Variants in NAV2 observed in about 807,000 individuals in gnomAD.
NAV2 encodes helicase, APC down-regulated 1.
In NAV2, 54 loss-of-function variants were observed where a neutral mutation model predicts 223.2. That is an observed-to-expected ratio of 0.24 (90% CI 0.19 to 0.30). The LOEUF (loss-of-function observed/expected upper bound fraction) is 0.30. Ranked by LOEUF, NAV2 falls within the 10% of genes least tolerant of loss-of-function variation. The probability of loss-of-function intolerance (pLI) is 1.00; values close to 1 mark genes in which losing one functional copy is unlikely to be tolerated. For synonymous variants in NAV2, 1,279 were observed against 1,239.3 expected, an observed-to-expected ratio of 1.03 and a Z score of -0.67; for missense variants, 2,806 against 3,147.5, an observed-to-expected ratio of 0.89 and a Z score of 2.60.
At chr11:19,482,632 G>T (rs1233078284) in intron 1 of NAV2, among the ~76,000 whole-genome samples, 3 of 152,190 alleles carry the variant, frequency 2.0e-5, no homozygotes, top group East Asian at 3.9e-4. Flanking sequence ...AATAGTCTTT[G>T]CAAGTCAAGG....
At chr11:19,937,999 G>C (rs1052608895) in intron 7 of NAV2, among the ~76,000 whole-genome samples, 1 of 152,190 alleles carries the variant, frequency 6.6e-6, no homozygotes, top group Admixed American at 6.5e-5. Flanking sequence ...GATTAGCAGC[G>C]AACTAAGGAA....
chr11:20,055,943 A>T lies in NAV2; in HGVS notation c.4817A>T (p.Asp1606Val). The T allele has an allele frequency of 6.2e-7, 1 of 1,613,750 alleles. No homozygotes were observed. Among genetic ancestry groups the T allele is most frequent in the Non-Finnish European group, 8.5e-7 (1 of 1,179,972 alleles). The change falls in exon 19 of 38, where the codon GAT becomes GTT. Residue 1606 changes from aspartate (D) to valine (V), a missense_variant. This residue lies in a region of NAV2 where 824 missense variants were observed against 1,069.4 expected (regional missense o/e 0.77). Transcript: ENST00000349880. ...RTMSRSGSFRDGFEEVHGSSL... is the reference protein window; with the variant it reads ...RTMSRSGSFRVGFEEVHGSSL... ...ATGAGCCGTTCAGGCTCATTCCGGG[A>T]TGGGTTTGAAGAAGGTAAGGAAGGA...
Position 19,350,737 on chromosome 11 carries a change from G to C in NAV2, c.-216G>C, listed in dbSNP as rs1853260057. The C allele has an allele frequency of 5.3e-6, 3 of 569,954 alleles. No homozygotes were observed. The African/African-American group carries it at 5.6e-5, about 11-fold the overall frequency. 35.3% of individuals were successfully genotyped at this position (569,954 alleles called of 1,614,324 possible). A position where few individuals can be genotyped will look rare whatever the true frequency, so the allele number is the denominator to read the frequency against. ...CCAAGACTTAGCTCTCATGATGCCGGCAGCAGTCACCCTCATTGCAAAGGC... is the reference window on the plus strand; with the variant it reads ...CCAAGACTTAGCTCTCATGATGCCGCCAGCAGTCACCCTCATTGCAAAGGC... On this transcript the variant is annotated 5_prime_UTR_variant, in exon 1 of 38. Coordinates refer to the NAV2 transcript ENST00000360655.
chr11:19,802,588 T>C (rs547201421), intron 1 of NAV2, among the ~76,000 whole-genome samples: 1 of 152,156 alleles, frequency 6.6e-6, no homozygotes, highest in East Asian at 1.9e-4. Flanking sequence ...AGTGCCAGTA[T>C]TGGTTAAGAA....
At chr11:19,586,113 A>C (rs113371309) in intron 1 of NAV2, among the ~76,000 whole-genome samples, 1 of 151,974 alleles carries the variant, frequency 6.6e-6, no homozygotes, top group Non-Finnish European at 1.5e-5. Context: ...TTCTCTTCTC[A>C]CTTCATTTCA....
intron 1 of NAV2, among the ~76,000 whole-genome samples, chr11:19,652,463 G>T (rs1423002406): frequency 6.6e-6 from 1 of 152,180 alleles, no homozygotes; most frequent in African/African-American, 2.4e-5. Flanking sequence ...AGGAATCAAG[G>T]CTTCCCCCAG....
At chr11:19,871,237 T>A (rs1051708594) in intron 4 of NAV2, among the ~76,000 whole-genome samples, 5 of 152,212 alleles carry the variant, frequency 3.3e-5, no homozygotes. Flanking sequence ...CTTCAAGTTG[T>A]TACAATTACT....
chr11:19,401,100 A>C (rs946465132), intron 1 of NAV2, among the ~76,000 whole-genome samples: 6 of 152,234 alleles, frequency 3.9e-5, no homozygotes. Flanking sequence ...GATTTAGGAA[A>C]CAATCAATGC....
Position 19,980,908 on chromosome 11 carries a change from C to T in NAV2, c.2646-3217C>T, listed in dbSNP as rs377429868. ...CACAGCTCTGTCTCTGGTGCTGTGC[C>T]GTCTCCCAAGGAGAGACATACAACA... On this transcript the variant is annotated intron_variant, in intron 10 of 37. Transcript: ENST00000349880. 2.6e-4 allele frequency among the ~76,000 whole-genome samples: 39 copies of T among 152,222 alleles called. No individual in the cohort carries two copies. In the South Asian group the frequency reaches 7.3e-3, roughly 28 times the overall value.
At chr11:19,879,524 A>G (rs566711467) in intron 4 of NAV2, among the ~76,000 whole-genome samples, 3 of 152,290 alleles carry the variant, frequency 2.0e-5, no homozygotes, top group Non-Finnish European at 2.9e-5. Context: ...GTGAAGACCC[A>G]TGAGCTTCCC....
chr11:19,844,481 G>A (rs2060677794), intron 3 of NAV2, among the ~76,000 whole-genome samples: 1 of 152,058 alleles, frequency 6.6e-6, no homozygotes, highest in South Asian at 2.1e-4. Context: ...GAAATATCTG[G>A]GACCAGAAAT....
intron 1 of NAV2, among the ~76,000 whole-genome samples, chr11:19,624,359 C>G (rs546575027): frequency 6.6e-6 from 1 of 152,152 alleles, no homozygotes; most frequent in African/African-American, 2.4e-5. Context: ...TGCCCTGCCC[C>G]CAGAGGTGGA....
intron 29 of NAV2, among the ~76,000 whole-genome samples, chr11:20,095,058 G>A (rs2153690092): frequency 6.6e-6 from 1 of 152,186 alleles, no homozygotes; most frequent in African/African-American, 2.4e-5. Flanking sequence ...AGTTGCACAT[G>A]TTTTAAGTTT....
At chr11:19,871,563 C>T (rs1320000401) in intron 4 of NAV2, among the ~76,000 whole-genome samples, 3 of 152,078 alleles carry the variant, frequency 2.0e-5, no homozygotes, top group Admixed American at 6.6e-5. Context: ...ATGTAGCTCC[C>T]GGGGCACTAG....
intron 1 of NAV2, among the ~76,000 whole-genome samples, chr11:19,414,270 A>G (rs1239038392): frequency 6.6e-6 from 1 of 152,184 alleles, no homozygotes; most frequent in South Asian, 2.1e-4. Flanking sequence ...ACAACCAACC[A>G]AACAAACAAA....
At chr11:19,965,423 A>T (rs1006363458) in intron 10 of NAV2, among the ~76,000 whole-genome samples, 1 of 152,072 alleles carries the variant, frequency 6.6e-6, no homozygotes, top group Admixed American at 6.6e-5. Flanking sequence ...CCAGAATCTT[A>T]GACTCTTCCA....
intron 1 of NAV2, among the ~76,000 whole-genome samples, chr11:19,575,592 C>G (rs73422245): frequency 0.011 from 1,626 of 152,334 alleles, 27 homozygotes; most frequent in African/African-American, 0.037. Context: ...ATTCTACCCC[C>G]CTATGCAAGT....
chr11:19,679,362 C>T (rs549772629), intron 1 of NAV2, among the ~76,000 whole-genome samples: 9 of 144,824 alleles, frequency 6.2e-5, no homozygotes, highest in African/African-American at 1.5e-4. Context: ...ACCTGGGAGA[C>T]GGAGGTTGCA....
intron 1 of NAV2, among the ~76,000 whole-genome samples, chr11:19,461,812 C>T (rs1852172540): frequency 2.0e-5 from 3 of 152,262 alleles, no homozygotes; most frequent in South Asian, 4.1e-4. Context: ...CCTTATATCT[C>T]GGTTATGAAC....
Sources: gnomAD v4.1 joint callset for allele counts (sites outside exome capture counted in the v4.1 genomes callset) on GRCh38, gnomAD v4.1.1 for gene constraint, gnomAD v4.1.1 regional missense constraint, MANE v1.5 for transcripts, NCBI Gene and HGNC (gene_info 2026-07-23, HGNC 2026-07-21) for gene names.